Variants in HS6ST2 observed in about 807,000 individuals in gnomAD.
The protein encoded by HS6ST2 is heparan sulfate 6-O-sulfotransferase 2, also known as heparan-sulfate 6-O-sulfotransferase 2.
Under a neutral mutation model 33.0 loss-of-function variants are expected in HS6ST2, and 17 were observed. That is an observed-to-expected ratio of 0.52 (90% CI 0.35 to 0.77). The LOEUF (loss-of-function observed/expected upper bound fraction) is 0.77, where lower values mean the gene tolerates loss of function less well. Ranked by LOEUF, HS6ST2 falls within the 30% of genes least tolerant of loss-of-function variation. HS6ST2 has a pLI of 0.01. For missense variants in HS6ST2, 519 were observed against 551.7 expected (o/e 0.94, Z 0.59); for synonymous variants, 248 against 237.1 (o/e 1.05, Z -0.42).
chrX:132,929,632 A>C (rs993387014), intron 2 of HS6ST2, among the ~76,000 whole-genome samples: 1 of 112,065 alleles, frequency 8.9e-6, no homozygotes, highest in Non-Finnish European at 1.9e-5. Flanking sequence ...GACATTACAT[A>C]ATGATAAAAG....
chrX:132,662,501 C>A (rs2063781301), intron 4 of HS6ST2, among the ~76,000 whole-genome samples: 1 of 111,650 alleles, frequency 9.0e-6, no homozygotes, highest in African/African-American at 3.3e-5. Context: ...CACTGAGGAC[C>A]CCTGTTCTAG....
At chrX:132,922,595 C>T (rs1187793550) in intron 2 of HS6ST2, among the ~76,000 whole-genome samples, 7 of 112,101 alleles carry the variant, frequency 6.2e-5, no homozygotes, top group East Asian at 2.8e-4. Context: ...GGAGTGACCA[C>T]GGCCCATGAC....
intron 2 of HS6ST2, among the ~76,000 whole-genome samples, chrX:132,941,024 A>G (rs1375322053): frequency 8.9e-6 from 1 of 112,039 alleles, no homozygotes; most frequent in Non-Finnish European, 1.9e-5. Context: ...TCCTACAATG[A>G]ATAATGGTTA....
intron 4 of HS6ST2, among the ~76,000 whole-genome samples, chrX:132,651,899 T>G (rs957608888): frequency 9.0e-6 from 1 of 111,584 alleles, no homozygotes; most frequent in African/African-American, 3.3e-5. Context: ...CAAGGGGCTG[T>G]TTTTAGGTAG....
intron 2 of HS6ST2, among the ~76,000 whole-genome samples, chrX:132,829,199 T>TATATATATATACAC (rs55664940): frequency 0.019 from 1,355 of 73,186 alleles, 56 homozygotes; most frequent in African/African-American, 0.051. Context: ...TATATATATA[T>TATATATATATACAC]ACATACTTAT....
At chrX:132,637,223 G>A (rs1274942040) in intron 4 of HS6ST2, among the ~76,000 whole-genome samples, 1 of 112,132 alleles carries the variant, frequency 8.9e-6, no homozygotes, top group Non-Finnish European at 1.9e-5. Context: ...AGAGGCTGGG[G>A]CTTGCCAATC....
intron 1 of HS6ST2, among the ~76,000 whole-genome samples, chrX:132,957,850 C>T (rs974465449): frequency 1.8e-5 from 2 of 112,354 alleles, no homozygotes; most frequent in African/African-American, 6.5e-5. Context: ...CTCCTTTTGC[C>T]GGCGCCCGCG....
At chrX:132,881,087 A>C (rs1245229044) in intron 2 of HS6ST2, among the ~76,000 whole-genome samples, 2 of 111,190 alleles carry the variant, frequency 1.8e-5, no homozygotes, top group African/African-American at 6.5e-5. Flanking sequence ...CAATAAACAT[A>C]CATGTGCATG....
chrX:132,666,660 A>G (rs1371627603), intron 4 of HS6ST2, among the ~76,000 whole-genome samples: 1 of 111,399 alleles, frequency 9.0e-6, no homozygotes, highest in Non-Finnish European at 1.9e-5. Context: ...CCTTATTTTT[A>G]GCCATGATGC....
chrX:132,802,480 G>A (rs1021726042), intron 2 of HS6ST2, among the ~76,000 whole-genome samples: 7 of 111,552 alleles, frequency 6.3e-5, no homozygotes, highest in Non-Finnish European at 1.1e-4. Flanking sequence ...AGGGGACACT[G>A]TAAAGTAGTA....
intron 2 of HS6ST2, among the ~76,000 whole-genome samples, chrX:132,950,652 T>C (rs1418903109): frequency 3.6e-5 from 4 of 111,967 alleles, no homozygotes; most frequent in Non-Finnish European, 1.9e-5. Flanking sequence ...GTCTGCAAAC[T>C]AGTTGGGGGT....
intron 2 of HS6ST2, among the ~76,000 whole-genome samples, chrX:132,855,220 G>C (rs533780499): frequency 6.7e-4 from 75 of 111,771 alleles, no homozygotes; most frequent in African/African-American, 2.3e-3. Context: ...CACTCACAAT[G>C]ATTATAAGAG....
chrX:132,780,387 T>C (rs996196953), intron 2 of HS6ST2, among the ~76,000 whole-genome samples: 2 of 111,061 alleles, frequency 1.8e-5, no homozygotes, highest in African/African-American at 6.5e-5. Flanking sequence ...ATAGCTACCA[T>C]TTATAGAGCA....
chrX:132,798,255 G>A (rs780580686), intron 2 of HS6ST2, among the ~76,000 whole-genome samples: 3 of 110,352 alleles, frequency 2.7e-5, no homozygotes, highest in East Asian at 2.9e-4. Context: ...GGATTTTAGC[G>A]ACTTGAAAGG....
chrX:132,920,295 G>T (rs908863275), intron 2 of HS6ST2, among the ~76,000 whole-genome samples: 1 of 110,363 alleles, frequency 9.1e-6, no homozygotes, highest in African/African-American at 3.3e-5. Context: ...GCCTGGTCCT[G>T]GAAGTGTGTC....
At chrX:132,692,579 C>A (rs759891180) in intron 3 of HS6ST2, among the ~76,000 whole-genome samples, 1 of 110,703 alleles carries the variant, frequency 9.0e-6, no homozygotes, top group East Asian at 2.9e-4. Context: ...CACACCACAA[C>A]CCTTCCCAGA....
At chrX:132,761,112 CTTTGG>C (rs766745355) in intron 2 of HS6ST2, among the ~76,000 whole-genome samples, 1 of 111,685 alleles carries the variant, frequency 9.0e-6, no homozygotes, top group East Asian at 2.8e-4. Flanking sequence ...TTTGCCTCTG[CTTTGG>C]AGCTGAGAAG....
chrX:132,631,448 T>G (rs1474342054), intron 4 of HS6ST2, among the ~76,000 whole-genome samples: 1 of 110,558 alleles, frequency 9.0e-6, no homozygotes, highest in Non-Finnish European at 1.9e-5. Context: ...TAGCAGCTTT[T>G]GTTCTCCAGT....
At chrX:132,693,486 A>AG (rs1226315433) in intron 3 of HS6ST2, among the ~76,000 whole-genome samples, 2 of 111,558 alleles carry the variant, frequency 1.8e-5, no homozygotes, top group African/African-American at 6.5e-5. Flanking sequence ...AGAGCCTGGA[A>AG]GGGGGGCAAG....
Sources: allele counts gnomAD v4.1 joint callset (sites outside exome capture counted in the v4.1 genomes callset), GRCh38; gene constraint gnomAD v4.1.1; transcripts MANE v1.5; gene names NCBI Gene and HGNC (gene_info 2026-07-23, HGNC 2026-07-21).